GRM8: variants seen among roughly 807,000 people sequenced by gnomAD.
GRM8 encodes the protein metabotropic glutamate receptor 8.
Under a neutral mutation model 87.2 loss-of-function variants are expected in GRM8, and 47 were observed. The observed-to-expected ratio is 0.54, with a 90% CI of 0.43 to 0.69. The LOEUF (loss-of-function observed/expected upper bound fraction) is 0.69, where lower values mean the gene tolerates loss of function less well. Among genes scored for constraint, GRM8 ranks in the 30% least tolerant of loss-of-function variants. The probability of loss-of-function intolerance (pLI) is 0.00; values close to 1 mark genes in which losing one functional copy is unlikely to be tolerated. For missense variants in GRM8, 1,019 were observed against 1,139.2 expected (o/e 0.89, Z 1.52); for synonymous variants, 396 against 404.5 (o/e 0.98, Z 0.25).
At chr7:127,131,586 TG>T (rs1364078907) in intron 2 of GRM8, among the ~76,000 whole-genome samples, 1 of 152,216 alleles carries the variant, frequency 6.6e-6, no homozygotes, top group Non-Finnish European at 1.5e-5. Context: ...TCTCTGCCTG[TG>T]GGGACACTGG....
At chr7:126,725,782 A>C (rs1269867151) in intron 7 of GRM8, among the ~76,000 whole-genome samples, 1 of 152,186 alleles carries the variant, frequency 6.6e-6, no homozygotes, top group Non-Finnish European at 1.5e-5. Context: ...GCTTACAATT[A>C]TGGCAGAAGG....
intron 6 of GRM8, among the ~76,000 whole-genome samples, chr7:126,849,545 G>A (rs1332292539): frequency 6.6e-6 from 1 of 152,124 alleles, no homozygotes; most frequent in East Asian, 1.9e-4. Flanking sequence ...ATTTAAGAAA[G>A]TTCTTCATGC....
rs546219046 is a variant in GRM8, at chr7:126,846,698, C to G, written c.1156+55844G>C. ...TTTATTAACAAAAAATATAAAAATC[C>G]ACAAATATGTTATAAAGCAAAAAAA... On this transcript the variant is annotated intron_variant, in intron 6 of 10. Transcript: ENST00000339582. 9.2e-5 allele frequency among the ~76,000 whole-genome samples: 14 copies of G among 151,384 alleles called. No homozygotes were observed. In the East Asian group the frequency reaches 1.7e-3, roughly 19 times the overall value.
intron 9 of GRM8, among the ~76,000 whole-genome samples, chr7:126,501,252 CA>C: frequency 6.6e-6 from 1 of 151,992 alleles, no homozygotes; most frequent in African/African-American, 2.4e-5. Flanking sequence ...AAAGGATAGT[CA>C]AAGGAGCAGG....
At chr7:126,522,251 G>A (rs1395030921) in intron 9 of GRM8, among the ~76,000 whole-genome samples, 2 of 151,828 alleles carry the variant, frequency 1.3e-5, no homozygotes, top group East Asian at 1.9e-4. Flanking sequence ...CACTTCCACC[G>A]CCACATGTCA....
chr7:126,829,760 T>G (rs1795178833), intron 6 of GRM8, among the ~76,000 whole-genome samples: 3 of 152,158 alleles, frequency 2.0e-5, no homozygotes, highest in South Asian at 2.1e-4. Context: ...GTTAGCTGGT[T>G]ATTTTGCTCA....
At chr7:126,752,051 T>C (rs1816482052) in intron 7 of GRM8, among the ~76,000 whole-genome samples, 1 of 152,100 alleles carries the variant, frequency 6.6e-6, no homozygotes, top group African/African-American at 2.4e-5. Flanking sequence ...TTCAACCTCT[T>C]CCTCCTTGCA....
Position 127,128,233 on chromosome 7 carries a change from G to T in GRM8, c.511-21521C>A, listed in dbSNP as rs188506477. On this transcript the variant is annotated intron_variant, in intron 2 of 10. Transcript: ENST00000339582. ...CCAAAGCTGAGTATCAGAATTACCT[G>T]GGTGGCTTTTTAAAAATCAGATTTA... Among the ~76,000 whole-genome samples, 176 of 152,204 alleles carry T rather than the reference G, an allele frequency of 1.2e-3. 1 individual carries two copies. Among genetic ancestry groups the T allele is most frequent in the African/African-American group, 4.2e-3 (175 of 41,534 alleles).
intron 7 of GRM8, among the ~76,000 whole-genome samples, chr7:126,765,705 A>C (rs1818124942): frequency 2.0e-5 from 3 of 152,252 alleles, no homozygotes; most frequent in South Asian, 4.1e-4. Context: ...TAGGGTTTAA[A>C]AATTATAGAA....
chr7:126,627,661 T>C (rs1310149252), intron 7 of GRM8, among the ~76,000 whole-genome samples: 1 of 152,184 alleles, frequency 6.6e-6, no homozygotes, highest in Non-Finnish European at 1.5e-5. Flanking sequence ...CCCCAGTTAG[T>C]ATCATATTCA....
At chr7:126,553,982 T>C (rs1353450264) in intron 8 of GRM8, among the ~76,000 whole-genome samples, 1 of 152,182 alleles carries the variant, frequency 6.6e-6, no homozygotes, top group Non-Finnish European at 1.5e-5. Flanking sequence ...TACTCTTTTG[T>C]ACTTTATTTT....
chr7:126,826,871 T>A (rs186232408), intron 6 of GRM8, among the ~76,000 whole-genome samples: 109 of 151,818 alleles, frequency 7.2e-4, no homozygotes, highest in African/African-American at 2.6e-3. Flanking sequence ...AATTTTTGTA[T>A]TAATTGAATT....
intron 7 of GRM8, among the ~76,000 whole-genome samples, chr7:126,626,482 GT>G (rs1800701001): frequency 6.6e-6 from 1 of 151,852 alleles, no homozygotes; most frequent in Admixed American, 6.6e-5. Flanking sequence ...AGTTCTTTTT[GT>G]TGAATAATAC....
intron 6 of GRM8, among the ~76,000 whole-genome samples, chr7:126,890,058 T>A (rs548768819): frequency 4.9e-4 from 74 of 152,242 alleles, no homozygotes; most frequent in Non-Finnish European, 6.3e-4. Flanking sequence ...TACATTTAAG[T>A]GTAAAGTAAT....
Position 127,154,952 on chromosome 7 carries a change from T to C in GRM8, c.511-48240A>G, listed in dbSNP as rs376206805. 3.0e-4 allele frequency among the ~76,000 whole-genome samples: 46 copies of C among 152,218 alleles called. No individual in the cohort carries two copies. In the East Asian group the frequency reaches 7.0e-3, roughly 23 times the overall value. ...GGGTTATGGAAATAAGACTGTTCAT[T>C]CTCCAAATTCACAAATATTAGAATT... On this transcript the variant is annotated intron_variant, in intron 2 of 10. Transcript: ENST00000339582.
chr7:126,782,755 C>G (rs2151643696), intron 6 of GRM8, among the ~76,000 whole-genome samples: 1 of 152,258 alleles, frequency 6.6e-6, no homozygotes, highest in South Asian at 2.1e-4. Context: ...TTTAGGGTGT[C>G]TGTGTGTATT....
At chr7:127,025,465 A>C (rs1232346268) in intron 3 of GRM8, among the ~76,000 whole-genome samples, 1 of 152,082 alleles carries the variant, frequency 6.6e-6, no homozygotes, top group Non-Finnish European at 1.5e-5. Context: ...GCCAAAGTGC[A>C]GTGTTTTAGC....
chr7:127,122,505 C>T (rs921919096), intron 2 of GRM8, among the ~76,000 whole-genome samples: 1 of 151,346 alleles, frequency 6.6e-6, no homozygotes, highest in East Asian at 1.9e-4. Flanking sequence ...AACAGGAAAA[C>T]CTCTTAGGCA....
intron 7 of GRM8, among the ~76,000 whole-genome samples, chr7:126,748,535 G>A (rs956124432): frequency 3.3e-5 from 5 of 149,856 alleles, no homozygotes; most frequent in African/African-American, 1.2e-4. Context: ...AGACTGAACC[G>A]TAAGATGTCA....
Sources: allele counts gnomAD v4.1 joint callset (sites outside exome capture counted in the v4.1 genomes callset), GRCh38; gene constraint gnomAD v4.1.1; transcripts MANE v1.5; gene names NCBI Gene and HGNC (gene_info 2026-07-23, HGNC 2026-07-21).